ACADVL: variants seen among roughly 807,000 people sequenced by gnomAD.
ACADVL encodes the protein acyl-CoA dehydrogenase very long chain, also known as very long-chain acyl-CoA dehydrogenase, mitochondrial.
A neutral mutation model predicts 80.4 loss-of-function variants in ACADVL; 73 were observed. The observed-to-expected ratio is 0.91, with a 90% CI of 0.75 to 1.10. The LOEUF (loss-of-function observed/expected upper bound fraction) is 1.10, where lower values mean the gene tolerates loss of function less well. ACADVL is among the 50% of genes least tolerant of loss of function. ACADVL has a pLI of 0.00. For missense variants in ACADVL, 878 were observed against 858.9 expected (o/e 1.02, Z -0.28); for synonymous variants, 392 against 326.5 (o/e 1.20, Z -2.16).
Position 7,220,183 on chromosome 17 carries a change from G to A in ACADVL, c.124G>A (p.Gly42Arg). The A allele has an allele frequency of 6.5e-7, 1 of 1,534,314 alleles. No individual in the cohort carries two copies. The highest frequency in any genetic ancestry group is 1.4e-5 in the African/African-American group (1 of 73,424). ...CGGCCCTGCCCGGCGGCCCTATGCC[G>A]GGGGTGCCGCTCAGGTAAGTCACCG... ...RPGPARRPYA[G>R]GAAQLALDKS... Residue 42 changes from glycine (G) to arginine (R), a missense_variant, in exon 2 of 20, where the codon GGG becomes AGG. Physicochemically the swap from Gly to Arg is moderately radical, Grantham distance 125 (BLOSUM62 -2). Transcript: ENST00000356839.
Position 7,223,147 on chromosome 17 carries a change from T to C in ACADVL, c.1092T>C (p.Thr364=), listed in dbSNP as rs745742925. 3 of 1,613,742 alleles carry C rather than the reference T, an allele frequency of 1.9e-6. No homozygotes were observed. Among genetic ancestry groups the C allele is most frequent in the East Asian group, 4.5e-5 (2 of 44,882 alleles). ...CCCTCTTCCAGGTAGATCATGCCAC[T>C]AATCGTACCCAGTTTGGGGAGAAAA... ...GIIAKAVDHA[T]NRTQFGEKIH... is the part of the protein sequence containing the mutation. Residue 364 remains threonine, a synonymous_variant, in exon 11 of 20, where the codon ACT becomes ACC. Coordinates refer to ENST00000356839, the MANE Select transcript of ACADVL (RefSeq NM_000018.4).
rs2071229790 is a variant in ACADVL, at chr17:7,221,600, C to T, written c.540C>T (p.Ala180=). The change falls in exon 7 of 20, where the codon GCC becomes GCT. Residue 180 remains alanine, a synonymous_variant. Transcript: ENST00000356839. ...TTGGCGTGGGCATTACCCTGGGGGC[C>T]CATCAGAGCATCGGTTTCAAAGGCA... The part of the protein sequence containing the change: ...HDLGVGITLG[A]HQSIGFKGIL... 1 of 1,613,962 alleles carries T rather than the reference C, an allele frequency of 6.2e-7. No homozygotes were observed.
At position 7,222,856 on chromosome 17, in the gene ACADVL, T is replaced by C. The variant is rs1469244297; in HGVS notation, c.1068T>C (p.Ile356=). Residue 356 remains isoleucine (I), a synonymous_variant, in exon 10 of 20, where the codon ATT becomes ATC. Coordinates refer to ENST00000356839, the MANE Select transcript of ACADVL (RefSeq NM_000018.4). ...AALAGTMRGI[I]AKAVDHATNR... ...TGGCAGGTACCATGAGAGGCATCAT[T>C]GCTAAGGCGGTGAGTACCCTGCCCG... 3.7e-6 allele frequency: 6 copies of C among 1,611,990 alleles called. No homozygotes were observed. In the South Asian group the frequency reaches 6.6e-5, roughly 18 times the overall value.
chr17:7,219,727 G>A (rs1274713861), upstream of ACADVL: 8 of 1,428,994 alleles, frequency 5.6e-6, no homozygotes, highest in South Asian at 1.0e-4. Context: ...CCCCGTCGGA[G>A]GACTAGACTC....
At position 7,224,553 on chromosome 17, in the gene ACADVL, G is replaced by GT. The variant is rs764481739; in HGVS notation, c.1678+2dup. 1 of 1,608,796 alleles carries GT rather than the reference G, an allele frequency of 6.2e-7. No individual in the cohort carries two copies. Among genetic ancestry groups the GT allele is most frequent in the South Asian group, 1.1e-5 (1 of 90,918 alleles). On this transcript the variant is annotated splice_donor_variant, in intron 17 of 19. Coordinates refer to ENST00000356839, the MANE Select transcript of ACADVL (RefSeq NM_000018.4). LOFTEE classifies it high-confidence loss of function. Reference sequence around the variant, plus strand: ...ATAAAACACAAGAAGGGGATTGTCAGTAAGTGAGCTCTACACCATTCCGCC... The same window carrying GT: ...ATAAAACACAAGAAGGGGATTGTCAGTTAAGTGAGCTCTACACCATTCCGCC...
At chr17:7,218,691 T>G (rs976041585), upstream of ACADVL, 13 of 1,540,154 alleles carry the variant, frequency 8.4e-6, no homozygotes, top group Admixed American at 1.7e-4. Context: ...CACAGGAAGA[T>G]GAACACACTG....
chr17:7,217,693 G>A (rs1273091722), upstream of ACADVL: 1 of 1,530,586 alleles, frequency 6.5e-7, no homozygotes, highest in Non-Finnish European at 8.7e-7. Context: ...CCTTGGCAGA[G>A]TTAACTCCTT....
chr17:7,221,303 TA>T lies in ACADVL; in HGVS notation c.478-234del, dbSNP rs568454482. ...CTCTAAGTTGGGGATTGCCTAACAA[TA>T]GACTGACTAGTAGCAAGTCACCCTC... On this transcript the variant is annotated intron_variant, in intron 6 of 19. Transcript: ENST00000356839. 3.1e-4 allele frequency: 286 copies of T among 910,808 alleles called. 3 individuals are homozygous for T. The East Asian group carries it at 5.2e-3, about 17-fold the overall frequency. 56.4% of individuals were successfully genotyped at this position (910,808 alleles called of 1,614,324 possible).
upstream of ACADVL, chr17:7,217,557 G>T: frequency 7.9e-6 from 7 of 891,294 alleles, no homozygotes; most frequent in Non-Finnish European, 9.3e-6. Context: ...GCGGGGGAGT[G>T]GGGTGGGGGG....
At chr17:7,218,811 C>G, upstream of ACADVL, 1 of 1,613,764 alleles carries the variant, frequency 6.2e-7, no homozygotes, top group Non-Finnish European at 8.5e-7. Context: ...CTCCCCTCCA[C>G]AAGGAGCCCT....
chr17:7,218,523 A>C (rs1214381310), upstream of ACADVL: 5 of 1,553,618 alleles, frequency 3.2e-6, no homozygotes, highest in Non-Finnish European at 4.4e-6. Flanking sequence ...CAGGTCCCTC[A>C]GAAAACGGGC....
Position 7,220,682 on chromosome 17 carries a change from G to A in ACADVL, c.277+6G>A, listed in dbSNP as rs776422793. 6.2e-7 allele frequency: 1 copy of A among 1,614,244 alleles called. No individual in the cohort carries two copies. The highest frequency in any genetic ancestry group is 8.5e-7 in the Non-Finnish European group (1 of 1,180,048). ...GGTGTTCCCATACCCGTCCGGTAAG[G>A]GAAGGGATAATCAGAGCTGGGTGGG... is the stretch of plus-strand genomic sequence containing the variant. On this transcript the variant is annotated splice_donor_region_variant and intron_variant, in intron 4 of 19. Transcript: ENST00000356839.
chr17:7,225,036 G>C lies in ACADVL; in HGVS notation c.1907G>C (p.Ser636Thr). ...WQQELYRNFK[S>T]ISKALVERGG... ...CAAGAGCTCTACCGCAACTTCAAAA[G>C]CATCTCCAAGGCCTTGGTGGAGCGG... The change falls in exon 20 of 20, where the codon AGC becomes ACC. Residue 636 changes from serine (S) to threonine (T), a missense_variant. Coordinates refer to ENST00000356839, the MANE Select transcript of ACADVL (RefSeq NM_000018.4). 6.2e-7 allele frequency: 1 copy of C among 1,614,130 alleles called. No homozygotes were observed. The highest frequency in any genetic ancestry group is 8.5e-7 in the Non-Finnish European group (1 of 1,180,042).
At position 7,224,458 on chromosome 17, in the gene ACADVL, C is replaced by T. The variant is rs370303265; in HGVS notation, c.1606-22C>T. On this transcript the variant is annotated intron_variant, in intron 16 of 19. Transcript: ENST00000356839. ...TGCAGCCGATGGCCCCTCTGAGCCCCGCACTGTCCCCATCTCTTAAGGCAG... is the reference window on the plus strand; with the variant it reads ...TGCAGCCGATGGCCCCTCTGAGCCCTGCACTGTCCCCATCTCTTAAGGCAG... 2.4e-4 allele frequency: 389 copies of T among 1,613,816 alleles called. No homozygotes were observed. In the African/African-American group the frequency reaches 4.2e-3, roughly 18 times the overall value.
chr17:7,224,354 C>T lies in ACADVL; in HGVS notation c.1566C>T (p.Ser522=), dbSNP rs371654348. The part of the protein sequence containing the change: ...RAGLGSGLSL[S]GLVHPELSRS... ...GGCTGGGCAGCGGCCTGAGTCTCAG[C>T]GGACTTGTCCACCCGGAGTTGAGTC... The change falls in exon 16 of 20, where the codon AGC becomes AGT. Residue 522 remains serine, a synonymous_variant. Transcript: ENST00000356839. 2.2e-5 allele frequency: 36 copies of T among 1,613,742 alleles called. No homozygotes were observed. Among genetic ancestry groups the T allele is most frequent in the East Asian group, 1.1e-4 (5 of 44,894 alleles).
rs2071287588 is a variant in ACADVL at position 7,222,679 on chromosome 17, G to C, written c.891G>C (p.Glu297Asp). Residue 297 changes from glutamate (E) to aspartate (D), a missense_variant, in exon 10 of 20, where the codon GAG becomes GAC. Glu to Asp is a conservative substitution (Grantham distance 45). Transcript: ENST00000356839. ...GFGGITHGPP[E>D]KKMGIKASNT... Reference sequence around the variant, plus strand: ...TGCCCTGACACAGTGGGCCCCCTGAGAAGAAGATGGGCATCAAGGCTTCAA... The same window carrying C: ...TGCCCTGACACAGTGGGCCCCCTGACAAGAAGATGGGCATCAAGGCTTCAA... The C allele has an allele frequency of 1.2e-6, 2 of 1,613,814 alleles. No individual in the cohort carries two copies. Among genetic ancestry groups the C allele is most frequent in the Non-Finnish European group, 1.7e-6 (2 of 1,179,858 alleles).
chr17:7,221,396 A>G (rs1230855840), intron 6 of ACADVL, 142 bp from the exon 7 acceptor site: 1 of 1,415,134 alleles, frequency 7.1e-7, no homozygotes, highest in Non-Finnish European at 9.9e-7. Context: ...TCTTTTCTAC[A>G]CACTGGGGAT....
At chr17:7,220,266 G>A (rs1226789179) in intron 2 of ACADVL, 69 bp downstream of exon 2, 3 of 1,507,140 alleles carry the variant, frequency 2.0e-6, no homozygotes, top group East Asian at 2.5e-5. Flanking sequence ...CCATCGGCAG[G>A]GATCTCCCTC....
At position 7,220,053 on chromosome 17, in the gene ACADVL, G is replaced by A. The variant is rs780013533; in HGVS notation, c.62+7G>A. 2 of 1,602,736 alleles carry A rather than the reference G, an allele frequency of 1.2e-6. No individual in the cohort carries two copies. The highest frequency in any genetic ancestry group is 2.2e-5 in the South Asian group (2 of 90,590). On this transcript the variant is annotated splice_region_variant and intron_variant, in intron 1 of 19. Coordinates refer to ENST00000356839, the MANE Select transcript of ACADVL (RefSeq NM_000018.4). ...TGAGGCTCGGGGGCGGAAGGTCTGTGTGTGACAAGAGGGACGGTGGGCAGC... is the reference window on the plus strand; with the variant it reads ...TGAGGCTCGGGGGCGGAAGGTCTGTATGTGACAAGAGGGACGGTGGGCAGC...
Sources: gnomAD v4.1 joint callset for allele counts on GRCh38, gnomAD v4.1.1 for gene constraint, MANE v1.5 for transcripts, NCBI Gene and HGNC (gene_info 2026-07-23, HGNC 2026-07-21) for gene names.